PI16: variants seen among roughly 807,000 people sequenced by gnomAD.
PI16 encodes the protein peptidase inhibitor 16, also known as PSP94-binding protein.
In PI16, 35 loss-of-function variants were observed where a neutral mutation model predicts 38.0. That is an observed-to-expected ratio of 0.92 (90% CI 0.70 to 1.22). The LOEUF (loss-of-function observed/expected upper bound fraction) is 1.22, where lower values mean the gene tolerates loss of function less well. PI16 is among the 50% of genes most tolerant of loss of function. The pLI is 0.00. For synonymous variants in PI16, 275 were observed against 252.9 expected (o/e 1.09, Z -0.83); for missense variants, 572 against 593.8 (o/e 0.96, Z 0.38).
chr6:36,955,909 C>T (rs753325285), intron 1 of PI16, among the ~76,000 whole-genome samples: 15 of 152,190 alleles, frequency 9.9e-5, no homozygotes, highest in Non-Finnish European at 1.9e-4. Flanking sequence ...GCTGAACTAG[C>T]TTGTCCCCTC....
At chr6:36,951,350 A>G (rs1302751817), upstream of PI16, among the ~76,000 whole-genome samples, 1 of 151,978 alleles carries the variant, frequency 6.6e-6, no homozygotes, top group African/African-American at 2.4e-5. Flanking sequence ...CCCAGGCCCA[A>G]GCAATTTTCC....
rs142015168 is a variant in PI16 at position 36,963,016 on chromosome 6, C to G, written c.674C>G (p.Ser225Ter). ...CCATCCTTCCGGGCGACTGAAGCAT[C>G]AGACTCTAGGAAAATGGGTACTCCT... ...EAPSFRATEA[S>*]DSRKMGTPSS... Residue 225 changes from serine to a stop codon, truncating the protein, a stop_gained, in exon 5 of 7, where the codon TCA (serine) becomes TGA (stop). Transcript: ENST00000373674. LOFTEE classifies it high-confidence loss of function. 205 of 1,614,240 alleles carry G rather than the reference C, an allele frequency of 1.3e-4. No homozygotes were observed. Among genetic ancestry groups the G allele is most frequent in the Non-Finnish European group, 1.7e-4 (198 of 1,180,032 alleles).
At position 36,957,413 on chromosome 6, in the gene PI16, C is replaced by T. The variant is rs544051414; in HGVS notation, c.172-1732C>T. On this transcript the variant is annotated intron_variant, in intron 1 of 6. Transcript: ENST00000373674. ...ACCTTTGGCTGGGCTAGATGGCCCTCTTTGGTGCCTCTATAGTACTTGTGG... is the reference window on the plus strand; with the variant it reads ...ACCTTTGGCTGGGCTAGATGGCCCTTTTTGGTGCCTCTATAGTACTTGTGG... 4.5e-4 allele frequency among the ~76,000 whole-genome samples: 68 copies of T among 152,306 alleles called. No homozygotes were observed. The East Asian group carries it at 0.011, about 25-fold the overall frequency.
upstream of PI16, among the ~76,000 whole-genome samples, chr6:36,952,011 TTTTTTC>T (rs1763108728): frequency 6.7e-6 from 1 of 148,588 alleles, no homozygotes; most frequent in Non-Finnish European, 1.5e-5. Flanking sequence ...TCTTTTTTTT[TTTTTTC>T]TTTTGAGACT....
chr6:36,950,399 A>T (rs1763079844), upstream of PI16, among the ~76,000 whole-genome samples: 1 of 152,232 alleles, frequency 6.6e-6, no homozygotes, highest in African/African-American at 2.4e-5. The surrounding 1 kb of genome is among the most constrained non-coding windows in gnomAD (Gnocchi z 4.2). Flanking sequence ...GCAAAATAAT[A>T]GTCCATTGTA....
In PI16 at chr6:36,959,218, G is replaced by T; in HGVS notation, c.245G>T (p.Arg82Leu). The T allele has an allele frequency of 6.2e-7, 1 of 1,610,200 alleles. No individual in the cohort carries two copies. The highest frequency in any genetic ancestry group is 8.5e-7 in the Non-Finnish European group (1 of 1,178,826). ...TGCGTGTGGGGCCACAACAAGGAGCGCGGGCGCCGCGGCGAGAATCTGTTC... is the reference window on the plus strand; with the variant it reads ...TGCGTGTGGGGCCACAACAAGGAGCTCGGGCGCCGCGGCGAGAATCTGTTC... ...RQCVWGHNKE[R>L]GRRGENLFAI... The change falls in exon 2 of 7, where the codon CGC (arginine) becomes CTC (leucine). Residue 82 changes from arginine (R) to leucine (L), a missense_variant. Transcript: ENST00000373674.
Position 36,962,293 on chromosome 6 carries a change from C to A in PI16, c.592+319C>A, listed in dbSNP as rs1276706502. ...AGCGGGCTGGGGCCAGACCGGTGGG[C>A]GTGGTCAGAAGGCTTCAAACGGGCG... On this transcript the variant is annotated intron_variant, in intron 4 of 6. Coordinates refer to ENST00000373674, the MANE Select transcript of PI16 (RefSeq NM_153370.3). The surrounding 1 kb of genome is among the most constrained non-coding windows in gnomAD (Gnocchi z 4.1). Among the ~76,000 whole-genome samples, 1 of 152,026 alleles carries A rather than the reference C, an allele frequency of 6.6e-6. No individual in the cohort carries two copies. Among genetic ancestry groups the A allele is most frequent in the Admixed American group, 6.5e-5 (1 of 15,276 alleles).
rs370752818 is a variant in PI16, at chr6:36,961,941, C to T, written c.559C>T (p.Pro187Ser). Reference sequence around the variant, plus strand: ...GGAGGGGACTCCGTGCTCCCAATGTCCCTCTGGCTACCACTGCAAGAACTC... The same window carrying T: ...GGAGGGGACTCCGTGCTCCCAATGTTCCTCTGGCTACCACTGCAAGAACTC... ...YQEGTPCSQCPSGYHCKNSLC... is the reference protein window; with the variant it reads ...YQEGTPCSQCSSGYHCKNSLC... Residue 187 changes from proline to serine, a missense_variant, in exon 4 of 7, where the codon CCC becomes TCC. Coordinates refer to ENST00000373674, the MANE Select transcript of PI16 (RefSeq NM_153370.3). The T allele has an allele frequency of 6.2e-6, 10 of 1,614,054 alleles. No homozygotes were observed. The African/African-American group carries it at 9.3e-5, about 15-fold the overall frequency.
chr6:36,960,325 A>ATG (rs10664545), intron 2 of PI16, among the ~76,000 whole-genome samples: 29,057 of 139,724 alleles, frequency 0.21, 2,978 homozygotes, highest in Admixed American at 0.27. Context: ...TGCAGATAAG[A>ATG]TGTGTGTGTG....
rs1561898503 is a variant in PI16 at position 36,963,160 on chromosome 6, C to T, written c.818C>T (p.Pro273Leu). The change falls in exon 5 of 7, where the codon CCG becomes CTG. Residue 273 changes from proline to leucine, a missense_variant. Transcript: ENST00000373674. ...CCAACTTCCTTAGCAACGAAAGACC[C>T]GCCCTCCATGGCAACAGAGGCTCCA... Reference protein sequence around the residue: ...QAPTSLATKDPPSMATEAPPC... With the variant: ...QAPTSLATKDLPSMATEAPPC... The T allele has an allele frequency of 1.9e-6, 3 of 1,614,102 alleles. No individual in the cohort carries two copies. Among genetic ancestry groups the T allele is most frequent in the Non-Finnish European group, 2.5e-6 (3 of 1,180,042 alleles).
chr6:36,954,799 G>T lies in PI16; in HGVS notation c.39G>T (p.Pro13=). 6.2e-7 allele frequency: 1 copy of T among 1,613,960 alleles called. No homozygotes were observed. The highest frequency in any genetic ancestry group is 8.5e-7 in the Non-Finnish European group (1 of 1,179,990). The part of the protein sequence containing the change: ...GSCSFLMLLL[P]LLLLLVATTG... ...GCAGTTTCCTGATGCTTCTGCTGCC[G>T]CTACTGCTACTGCTGGTGGCCACCA... Residue 13 remains proline (P), a synonymous_variant, in exon 1 of 7, where the codon CCG becomes CCT. Transcript: ENST00000373674.
Position 36,962,959 on chromosome 6 carries a change from C to A in PI16, c.617C>A (p.Ala206Asp). The change falls in exon 5 of 7, where the codon GCT (alanine) becomes GAT (aspartate). Residue 206 changes from alanine to aspartate, a missense_variant. Physicochemically the swap from Ala to Asp is moderately radical, Grantham distance 126 (BLOSUM62 -2). Coordinates refer to ENST00000373674, the MANE Select transcript of PI16 (RefSeq NM_153370.3). This position sits in a 1 kb window ranked among gnomAD's most constrained non-coding sequence, Gnocchi z 4.1. ...LCEPIGSPED[A>D]QDLPYLVTEA... The stretch of plus-strand genomic sequence containing the variant: ...GAACCCATCGGAAGCCCGGAAGATG[C>A]TCAGGATTTGCCTTACCTGGTAACT... The A allele has an allele frequency of 1.2e-6, 2 of 1,613,630 alleles. No individual in the cohort carries two copies. The highest frequency in any genetic ancestry group is 1.7e-6 in the Non-Finnish European group (2 of 1,179,666).
Position 36,963,245 on chromosome 6 carries a change from T to C in PI16, c.903T>C (p.Asp301=). ...CAGCTCACAGCCTGCCCTCCTTGGA[T>C]GAGGAGCCAGTTACCTTCCCCAAAT... ...ILAAHSLPSL[D]EEPVTFPKST... The change falls in exon 5 of 7, where the codon GAT becomes GAC. Residue 301 remains aspartate (D), a synonymous_variant. Transcript: ENST00000373674. 1 of 1,614,214 alleles carries C rather than the reference T, an allele frequency of 6.2e-7. No individual in the cohort carries two copies. The highest frequency in any genetic ancestry group is 8.5e-7 in the Non-Finnish European group (1 of 1,180,040).
chr6:36,961,964 C>T lies in PI16; in HGVS notation c.582C>T (p.Asn194=). The T allele has an allele frequency of 1.2e-6, 2 of 1,613,752 alleles. No individual in the cohort carries two copies. The highest frequency in any genetic ancestry group is 1.7e-6 in the Non-Finnish European group (2 of 1,179,638). ...SQCPSGYHCK[N]SLCEPIGSPE... is the part of the protein sequence containing the mutation. ...GTCCCTCTGGCTACCACTGCAAGAACTCCCTCTGTGGTGAGTCCACGGGTG... is the reference window on the plus strand; with the variant it reads ...GTCCCTCTGGCTACCACTGCAAGAATTCCCTCTGTGGTGAGTCCACGGGTG... Residue 194 remains asparagine, a synonymous_variant, in exon 4 of 7, where the codon AAC becomes AAT. Coordinates refer to ENST00000373674, the MANE Select transcript of PI16 (RefSeq NM_153370.3).
intron 3 of PI16, 112 bp from the exon 4 acceptor site, chr6:36,961,774 T>C: frequency 1.9e-6 from 2 of 1,029,582 alleles, no homozygotes; most frequent in Non-Finnish European, 3.0e-6. Flanking sequence ...AGTCAGTGGC[T>C]GGCAGTCAGG....
chr6:36,963,446 G>C lies in PI16; in HGVS notation c.1104G>C (p.Glu368Asp), dbSNP rs773546970. The C allele has an allele frequency of 1.2e-6, 2 of 1,614,194 alleles. No homozygotes were observed. Among genetic ancestry groups the C allele is most frequent in the South Asian group, 2.2e-5 (2 of 91,088 alleles). Residue 368 changes from glutamate (E) to aspartate (D), a missense_variant, in exon 5 of 7, where the codon GAG (glutamate) becomes GAC (aspartate). Transcript: ENST00000373674. Reference sequence around the variant, plus strand: ...AGGCTGAGTTGCCTCCTTCCAGTGAGGTCTTGGCCTCAGTTTTTCCAGCCC... The same window carrying C: ...AGGCTGAGTTGCCTCCTTCCAGTGACGTCTTGGCCTCAGTTTTTCCAGCCC... ...EAEAELPPSS[E>D]VLASVFPAQD... is the part of the protein sequence containing the mutation.
At position 36,962,465 on chromosome 6, in the gene PI16, C is replaced by A. The variant is rs750025487; in HGVS notation, c.593-470C>A. The stretch of plus-strand genomic sequence containing the variant: ...AATCACCAGAAGTAACGTTTCTTTT[C>A]TTTTCTTTTTTCTTTTTCTTTTTTT... On this transcript the variant is annotated intron_variant, in intron 4 of 6. Transcript: ENST00000373674. This position sits in a 1 kb window ranked among gnomAD's most constrained non-coding sequence, Gnocchi z 4.1. 1.8e-4 allele frequency among the ~76,000 whole-genome samples: 27 copies of A among 152,140 alleles called. No homozygotes were observed. The highest frequency in any genetic ancestry group is 3.5e-4 in the Non-Finnish European group (24 of 68,016).
chr6:36,951,461 G>A (rs140347830), upstream of PI16, among the ~76,000 whole-genome samples: 13 of 152,274 alleles, frequency 8.5e-5, no homozygotes, highest in African/African-American at 2.9e-4. Context: ...TGTTGCCCAG[G>A]CTGATCTTGA....
At chr6:36,958,371 C>G (rs1763259222) in intron 1 of PI16, among the ~76,000 whole-genome samples, 1 of 152,196 alleles carries the variant, frequency 6.6e-6, no homozygotes. Context: ...GCCAGGGACA[C>G]AATCGCAAAG....
Sources: allele counts gnomAD v4.1 joint callset (sites outside exome capture counted in the v4.1 genomes callset), GRCh38; gene constraint gnomAD v4.1.1; non-coding constraint Gnocchi (gnomAD v3.1); transcripts MANE v1.5; gene names NCBI Gene and HGNC (gene_info 2026-07-23, HGNC 2026-07-21).